Variants in ALCAM observed in about 807,000 individuals in gnomAD.
ALCAM encodes the protein CD166 antigen.
Under a neutral mutation model 70.9 loss-of-function variants are expected in ALCAM, and 30 were observed. That is an observed-to-expected ratio of 0.42 (90% CI 0.32 to 0.57). The LOEUF (loss-of-function observed/expected upper bound fraction) is 0.57, where lower values mean the gene tolerates loss of function less well. ALCAM is among the 20% of genes least tolerant of loss of function. The pLI is 0.11. For missense variants in ALCAM, 591 were observed against 695.1 expected (o/e 0.85, Z 1.68); for synonymous variants, 249 against 242.5 (o/e 1.03, Z -0.25).
intron 14 of ALCAM, among the ~76,000 whole-genome samples, chr3:105,560,667 C>T (rs1015340674): frequency 6.6e-6 from 1 of 152,106 alleles, no homozygotes; most frequent in Admixed American, 6.6e-5. Context: ...TAAACTTTGA[C>T]ATTGAAGGGT....
chr3:105,524,827 G>A (rs1210287010), intron 3 of ALCAM: 1 of 1,085,468 alleles, frequency 9.2e-7, no homozygotes, highest in South Asian at 3.5e-5. Context: ...GTACAAATAA[G>A]TGTTGTGTGA....
chr3:105,454,745 T>G (rs1316550181), intron 1 of ALCAM, among the ~76,000 whole-genome samples: 3 of 131,166 alleles, frequency 2.3e-5, no homozygotes, highest in African/African-American at 8.5e-5. Context: ...CTCCGATCAC[T>G]GCAACCTCTA....
intron 1 of ALCAM, among the ~76,000 whole-genome samples, chr3:105,490,776 C>T (rs931540296): frequency 6.6e-6 from 1 of 152,194 alleles, no homozygotes; most frequent in African/African-American, 2.4e-5. Context: ...GGCAACCCTT[C>T]CCCTGTGGCT....
At chr3:105,540,200 G>C (rs980986388) in intron 7 of ALCAM, 98 bp downstream of exon 7, 9 of 1,236,014 alleles carry the variant, frequency 7.3e-6, no homozygotes, top group Non-Finnish European at 6.6e-6. Context: ...GTTATTGCTG[G>C]AGACAAGAGA....
At chr3:105,407,073 C>T (rs962451627) in intron 1 of ALCAM, among the ~76,000 whole-genome samples, 1 of 151,598 alleles carries the variant, frequency 6.6e-6, no homozygotes, top group East Asian at 1.9e-4. Flanking sequence ...AAAGAAAATG[C>T]CAACAAAAAA....
At chr3:105,432,438 A>G (rs1366905886) in intron 1 of ALCAM, among the ~76,000 whole-genome samples, 1 of 152,122 alleles carries the variant, frequency 6.6e-6, no homozygotes, top group Non-Finnish European at 1.5e-5. Context: ...AAAACTGCTT[A>G]TGTTTGAGGT....
intron 14 of ALCAM, among the ~76,000 whole-genome samples, chr3:105,568,069 T>A (rs1382494150): frequency 4.9e-4 from 70 of 144,144 alleles, no homozygotes; most frequent in African/African-American, 1.8e-3. Flanking sequence ...TTTTATTTTT[T>A]TTTTTTTTTG....
At chr3:105,449,989 C>G (rs10511242) in intron 1 of ALCAM, among the ~76,000 whole-genome samples, 1,733 of 149,594 alleles carry the variant, frequency 0.012, 31 homozygotes, top group African/African-American at 0.041. Context: ...GCATCTCTTA[C>G]TAACAAAGGA....
intron 1 of ALCAM, among the ~76,000 whole-genome samples, chr3:105,412,770 A>T (rs1229386944): frequency 6.6e-6 from 1 of 152,100 alleles, no homozygotes; most frequent in Non-Finnish European, 1.5e-5. Flanking sequence ...AATACTTGGA[A>T]TATGTGTGAA....
intron 1 of ALCAM, among the ~76,000 whole-genome samples, chr3:105,402,327 G>A (rs1936109561): frequency 1.3e-5 from 2 of 152,136 alleles, no homozygotes; most frequent in Admixed American, 1.3e-4. Context: ...GAGATTCATT[G>A]TGAACCATTG....
At chr3:105,563,086 A>G (rs1940661510) in intron 14 of ALCAM, among the ~76,000 whole-genome samples, 1 of 152,050 alleles carries the variant, frequency 6.6e-6, no homozygotes, top group Non-Finnish European at 1.5e-5. Context: ...GATTACAGGC[A>G]TGAGTCACAG....
At chr3:105,565,912 T>C (rs932426557) in intron 14 of ALCAM, among the ~76,000 whole-genome samples, 1 of 152,208 alleles carries the variant, frequency 6.6e-6, no homozygotes, top group Non-Finnish European at 1.5e-5. Flanking sequence ...AAGTATGATT[T>C]CTGCCTTCTC....
At chr3:105,454,738 C>G (rs914901122) in intron 1 of ALCAM, among the ~76,000 whole-genome samples, 2 of 133,488 alleles carry the variant, frequency 1.5e-5, no homozygotes, top group South Asian at 2.4e-4. Flanking sequence ...GCGCGATCTC[C>G]GATCACTGCA....
intron 1 of ALCAM, among the ~76,000 whole-genome samples, chr3:105,414,902 G>A (rs969812010): frequency 1.1e-4 from 16 of 152,110 alleles, no homozygotes; most frequent in Non-Finnish European, 2.1e-4. Context: ...AGATATGTCT[G>A]CAGAGAGTGA....
chr3:105,483,813 G>A (rs1379779663), intron 1 of ALCAM, among the ~76,000 whole-genome samples: 2 of 152,058 alleles, frequency 1.3e-5, no homozygotes, highest in African/African-American at 4.8e-5. Flanking sequence ...GCATTGGGGT[G>A]AAAAGGGATG....
chr3:105,517,469 C>A (rs936210545), intron 1 of ALCAM, among the ~76,000 whole-genome samples: 13 of 152,080 alleles, frequency 8.5e-5, no homozygotes, highest in Non-Finnish European at 1.6e-4. Flanking sequence ...GGATTTGGAG[C>A]TGTCATTAAA....
At chr3:105,449,740 T>C (rs991739493) in intron 1 of ALCAM, among the ~76,000 whole-genome samples, 3 of 152,198 alleles carry the variant, frequency 2.0e-5, no homozygotes, top group African/African-American at 7.2e-5. Flanking sequence ...CTTTTTTTCT[T>C]TATTAGGTTA....
chr3:105,548,362 C>T (rs1940303667), intron 11 of ALCAM, among the ~76,000 whole-genome samples: 1 of 151,282 alleles, frequency 6.6e-6, no homozygotes, highest in South Asian at 2.1e-4. Flanking sequence ...TCAGTATAAT[C>T]TGTAAAGGCT....
chr3:105,432,753 T>C (rs1020946999), intron 1 of ALCAM, among the ~76,000 whole-genome samples: 1 of 152,106 alleles, frequency 6.6e-6, no homozygotes, highest in Non-Finnish European at 1.5e-5. Flanking sequence ...AGTACTCCAC[T>C]CCAATAGTTT....
Sources: gnomAD v4.1 joint callset for allele counts (sites outside exome capture counted in the v4.1 genomes callset) on GRCh38, gnomAD v4.1.1 for gene constraint, MANE v1.5 for transcripts, NCBI Gene and HGNC (gene_info 2026-07-23, HGNC 2026-07-21) for gene names.